Variants in IGFL2 observed in about 807,000 individuals in gnomAD.
IGFL2 encodes the protein IGF like family member 2.
Under a neutral mutation model 13.9 loss-of-function variants are expected in IGFL2, and 7 were observed. The ratio of observed to expected loss-of-function variants is 0.51; its 90% CI spans 0.29 to 0.95. The LOEUF (loss-of-function observed/expected upper bound fraction) is 0.95. IGFL2 is among the 40% of genes least tolerant of loss of function. IGFL2 has a pLI of 0.08. For missense variants in IGFL2, 138 were observed against 147.8 expected (o/e 0.93, Z 0.34); for synonymous variants, 55 against 55.8 (o/e 0.99, Z 0.07).
upstream of IGFL2, among the ~76,000 whole-genome samples, chr19:46,145,637 T>TGTGTGTGTG (rs1568421133): frequency 1.3e-5 from 2 of 149,282 alleles, no homozygotes; most frequent in Admixed American, 6.7e-5. Context: ...TGTGTGTGTA[T>TGTGTGTGTG]TTATTTATTT....
chr19:46,174,248 A>G, the IGFL2 span, among the ~76,000 whole-genome samples: 2 of 152,350 alleles, frequency 1.3e-5, no homozygotes, highest in African/African-American at 4.8e-5. Flanking sequence ...GTGAACATGC[A>G]GCGCTGCTTG....
chr19:46,080,682 C>T, the IGFL2 span, among the ~76,000 whole-genome samples: 1 of 152,162 alleles, frequency 6.6e-6, no homozygotes, highest in Non-Finnish European at 1.5e-5. Context: ...AGATGTGTGG[C>T]CCTGTCCCTG....
In IGFL2 at chr19:46,158,087, G is replaced by A. The variant is rs560227553; in HGVS notation, c.20-2328G>A. Reference sequence around the variant, plus strand: ...TGTAAATCTAACAAAACATGTACAGGACTTATATGCTGAAAATTACAAAAT... The same window carrying A: ...TGTAAATCTAACAAAACATGTACAGAACTTATATGCTGAAAATTACAAAAT... On this transcript the variant is annotated intron_variant, in intron 1 of 3. Transcript: ENST00000377693. 2.0e-5 allele frequency among the ~76,000 whole-genome samples: 3 copies of A among 152,210 alleles called. No homozygotes were observed. In the East Asian group the frequency reaches 5.8e-4, roughly 29 times the overall value.
intron 1 of IGFL2, among the ~76,000 whole-genome samples, chr19:46,151,525 T>C (rs1224206406): frequency 6.6e-6 from 1 of 152,236 alleles, no homozygotes; most frequent in African/African-American, 2.4e-5. Flanking sequence ...TCATGAAGTA[T>C]CAATTCTACA....
At chr19:46,110,819 A>T in the IGFL2 span, among the ~76,000 whole-genome samples, 27,797 of 152,132 alleles carry the variant, frequency 0.18, 3,621 homozygotes, top group African/African-American at 0.37. Context: ...ATACATCATG[A>T]TCTTATATTT....
chr19:46,166,584 G>A, the IGFL2 span, among the ~76,000 whole-genome samples: 4 of 152,094 alleles, frequency 2.6e-5, no homozygotes, highest in Non-Finnish European at 4.4e-5. Flanking sequence ...TTTATTAGGC[G>A]GGAATTTCCT....
At chr19:46,134,278 T>C in the IGFL2 span, among the ~76,000 whole-genome samples, 5,612 of 152,220 alleles carry the variant, frequency 0.037, 151 homozygotes, top group East Asian at 0.071. Flanking sequence ...TCAGCAGGAA[T>C]GTTGTAGTAC....
chr19:46,109,063 C>T, the IGFL2 span, among the ~76,000 whole-genome samples: 1,279 of 149,068 alleles, frequency 8.6e-3, 15 homozygotes, highest in African/African-American at 0.03. Flanking sequence ...AGTCCCCCTC[C>T]CCCGGGTCTT....
At chr19:46,190,491 G>GTCC in the IGFL2 span, 1 of 152,222 alleles carries the variant, frequency 6.6e-6, no homozygotes, top group Non-Finnish European at 1.5e-5. Flanking sequence ...ACTCCACAGT[G>GTCC]TCCTATAGAC....
At chr19:46,206,996 A>C in the IGFL2 span, 2 of 152,234 alleles carry the variant, frequency 1.3e-5, no homozygotes, top group Admixed American at 1.3e-4. Flanking sequence ...CTCCCAGCAG[A>C]AGGACACACG....
the IGFL2 span, chr19:46,212,384 C>G: frequency 0.019 from 2,912 of 152,380 alleles, 55 homozygotes; most frequent in Non-Finnish European, 0.028. Flanking sequence ...CATACATCCC[C>G]TGCTGGGAAT....
chr19:46,192,473 G>A, the IGFL2 span, among the ~76,000 whole-genome samples: 2 of 149,956 alleles, frequency 1.3e-5, no homozygotes, highest in Non-Finnish European at 3.0e-5. Context: ...AGGCTGGAGT[G>A]CAGTGGCATG....
the IGFL2 span, among the ~76,000 whole-genome samples, chr19:46,101,980 G>A: frequency 2.6e-5 from 4 of 152,244 alleles, 1 homozygote; most frequent in Non-Finnish European, 5.9e-5. Context: ...CATCCCAAGG[G>A]CAGTAACAGG....
chr19:46,141,320 A>G (rs955858061), upstream of IGFL2, among the ~76,000 whole-genome samples: 1 of 152,202 alleles, frequency 6.6e-6, no homozygotes, highest in African/African-American at 2.4e-5. Context: ...AGGTGATAAT[A>G]GTGTGCCGGA....
chr19:46,104,451 G>T, the IGFL2 span, among the ~76,000 whole-genome samples: 2 of 152,160 alleles, frequency 1.3e-5, no homozygotes, highest in African/African-American at 4.8e-5. Flanking sequence ...ACTAATAAAA[G>T]CTGGTCTGTG....
chr19:46,094,308 A>G, the IGFL2 span, among the ~76,000 whole-genome samples: 1 of 152,202 alleles, frequency 6.6e-6, no homozygotes, highest in South Asian at 2.1e-4. Flanking sequence ...TTTACTTTTT[A>G]TCAAAAGTAA....
At chr19:46,094,212 C>T in the IGFL2 span, among the ~76,000 whole-genome samples, 2 of 151,866 alleles carry the variant, frequency 1.3e-5, no homozygotes, top group African/African-American at 4.8e-5. Context: ...AAGACAGTAT[C>T]TTATTGGTGA....
At chr19:46,204,108 A>C in the IGFL2 span, 1 of 152,130 alleles carries the variant, frequency 6.6e-6, no homozygotes, top group Non-Finnish European at 1.5e-5. Context: ...TCATACCCGG[A>C]TGCCACCAGA....
At chr19:46,105,677 A>G in the IGFL2 span, among the ~76,000 whole-genome samples, 2 of 152,190 alleles carry the variant, frequency 1.3e-5, no homozygotes, top group Non-Finnish European at 1.5e-5. Context: ...GAGGAAGAAA[A>G]TAGATTTTGG....
Sources: gnomAD v4.1 joint callset for allele counts (sites outside exome capture counted in the v4.1 genomes callset) on GRCh38, gnomAD v4.1.1 for gene constraint, MANE v1.5 for transcripts, NCBI Gene and HGNC (gene_info 2026-07-23, HGNC 2026-07-21) for gene names.